Variants in MACROD2 observed in about 807,000 individuals in gnomAD.
MACROD2 encodes the protein mono-ADP ribosylhydrolase 2, also known as ADP-ribose glycohydrolase MACROD2.
Under a neutral mutation model 70.4 loss-of-function variants are expected in MACROD2, and 36 were observed. That is an observed-to-expected ratio of 0.51 (90% CI 0.39 to 0.68). The LOEUF is 0.68. Among genes scored for constraint, MACROD2 ranks in the 30% least tolerant of loss-of-function variants. The probability of loss-of-function intolerance (pLI) is 0.00; values close to 1 mark genes in which losing one functional copy is unlikely to be tolerated. For missense variants in MACROD2, 496 were observed against 538.4 expected (o/e 0.92, Z 0.78); for synonymous variants, 172 against 178.8 (o/e 0.96, Z 0.30).
At chr20:15,467,304 A>T (rs1168558678) in intron 7 of MACROD2, among the ~76,000 whole-genome samples, 1 of 152,230 alleles carries the variant, frequency 6.6e-6, no homozygotes, top group Non-Finnish European at 1.5e-5. Flanking sequence ...CTGTAGCCCT[A>T]GCTGTCCACA....
chr20:15,360,773 A>G (rs2078342751), intron 6 of MACROD2, among the ~76,000 whole-genome samples: 1 of 151,848 alleles, frequency 6.6e-6, no homozygotes, highest in Non-Finnish European at 1.5e-5. Flanking sequence ...TCTCTCCTCA[A>G]TAGTCTTAAT....
At chr20:15,773,616 ATGGAACCG>A (rs2051673169) in intron 8 of MACROD2, among the ~76,000 whole-genome samples, 1 of 152,170 alleles carries the variant, frequency 6.6e-6, no homozygotes, top group Non-Finnish European at 1.5e-5. Flanking sequence ...TTGACACTTA[ATGGAACCG>A]TGCAGCATTT....
At chr20:15,959,432 G>A (rs748171746) in intron 12 of MACROD2, among the ~76,000 whole-genome samples, 4 of 152,122 alleles carry the variant, frequency 2.6e-5, no homozygotes, top group Admixed American at 6.6e-5. Flanking sequence ...TATAAGTTTC[G>A]TGAGTACTGT....
intron 5 of MACROD2, among the ~76,000 whole-genome samples, chr20:15,081,253 T>C (rs958818174): frequency 6.6e-6 from 1 of 152,202 alleles, no homozygotes; most frequent in Non-Finnish European, 1.5e-5. Flanking sequence ...AACACAGCCA[T>C]GCTCATTTGT....
rs567240693 is a variant in MACROD2, at chr20:15,503,439, C to G, written c.645+3592C>G. On this transcript the variant is annotated intron_variant, in intron 8 of 17. Coordinates refer to ENST00000684519, the MANE Select transcript of MACROD2 (RefSeq NM_001351661.2). Reference sequence around the variant, plus strand: ...CATAACTTTAACTTGGGTTCGGCCTCAGTTTGAGATTGCTTGCAAGAAAAA... The same window carrying G: ...CATAACTTTAACTTGGGTTCGGCCTGAGTTTGAGATTGCTTGCAAGAAAAA... 2.6e-5 allele frequency among the ~76,000 whole-genome samples: 4 copies of G among 152,260 alleles called. No individual in the cohort carries two copies. The East Asian group carries it at 7.7e-4, about 29-fold the overall frequency.
chr20:14,618,191 A>T (rs1382966561), intron 4 of MACROD2, among the ~76,000 whole-genome samples: 1 of 152,098 alleles, frequency 6.6e-6, no homozygotes, highest in Non-Finnish European at 1.5e-5. Context: ...CATTTACTGA[A>T]TGGATGAATT....
chr20:14,297,580 G>T (rs1176307076), intron 3 of MACROD2, among the ~76,000 whole-genome samples: 1 of 151,958 alleles, frequency 6.6e-6, no homozygotes, highest in Non-Finnish European at 1.5e-5. Context: ...CAACTCTTCA[G>T]TTCTAGAAAG....
chr20:15,266,226 G>A (rs2077293306), intron 6 of MACROD2, among the ~76,000 whole-genome samples: 1 of 152,182 alleles, frequency 6.6e-6, no homozygotes, highest in Non-Finnish European at 1.5e-5. Flanking sequence ...ACATGTTCAT[G>A]TGAAAAGTTT....
chr20:14,954,810 A>G (rs1217599034), intron 5 of MACROD2, among the ~76,000 whole-genome samples: 1 of 27,174 alleles, frequency 3.7e-5, no homozygotes, highest in Non-Finnish European at 8.8e-5. Flanking sequence ...AATAAATTTT[A>G]TATAATATAA....
intron 3 of MACROD2, among the ~76,000 whole-genome samples, chr20:14,196,985 G>A (rs2081437945): frequency 6.6e-6 from 1 of 152,158 alleles, no homozygotes; most frequent in Admixed American, 6.5e-5. Context: ...CTGCAGCCAG[G>A]CAAAATAGTA....
intron 8 of MACROD2, among the ~76,000 whole-genome samples, chr20:15,683,165 A>G (rs1043731566): frequency 1.3e-5 from 2 of 152,228 alleles, no homozygotes; most frequent in African/African-American, 4.8e-5. Context: ...GAACACTTTC[A>G]TTTATGAGCT....
intron 8 of MACROD2, among the ~76,000 whole-genome samples, chr20:15,759,846 TAC>T (rs1301733481): frequency 6.6e-6 from 1 of 152,238 alleles, no homozygotes; most frequent in Non-Finnish European, 1.5e-5. Context: ...AGTGAATGCC[TAC>T]AGGAGTTTTC....
At chr20:14,722,748 CAA>C (rs1255399600) in intron 5 of MACROD2, among the ~76,000 whole-genome samples, 2 of 151,984 alleles carry the variant, frequency 1.3e-5, no homozygotes, top group Non-Finnish European at 2.9e-5. Flanking sequence ...TGTAATGAAA[CAA>C]AGCTAATAAA....
chr20:14,014,051 T>TTAAGTCTGTA (rs1216101746), intron 2 of MACROD2, among the ~76,000 whole-genome samples: 1 of 152,206 alleles, frequency 6.6e-6, no homozygotes, highest in Non-Finnish European at 1.5e-5. Context: ...TTTATATTTC[T>TTAAGTCTGTA]TAAGTCTGTA....
intron 5 of MACROD2, among the ~76,000 whole-genome samples, chr20:14,953,801 G>A (rs2095108138): frequency 6.6e-6 from 1 of 152,056 alleles, no homozygotes; most frequent in African/African-American, 2.4e-5. Flanking sequence ...GCAAATTAGG[G>A]TCTTAAAAAT....
At chr20:14,785,785 C>T (rs888184604) in intron 5 of MACROD2, among the ~76,000 whole-genome samples, 3 of 152,052 alleles carry the variant, frequency 2.0e-5, no homozygotes, top group East Asian at 1.9e-4. Flanking sequence ...GACCTAGACT[C>T]CTTTTATCAT....
intron 8 of MACROD2, among the ~76,000 whole-genome samples, chr20:15,552,003 A>C (rs1195778959): frequency 6.6e-6 from 1 of 151,912 alleles, no homozygotes; most frequent in Non-Finnish European, 1.5e-5. Context: ...ATATGCATAC[A>C]TTTTTTTCTT....
intron 5 of MACROD2, among the ~76,000 whole-genome samples, chr20:14,755,777 G>A (rs543311953): frequency 6.6e-6 from 1 of 152,054 alleles, no homozygotes; most frequent in South Asian, 2.1e-4. Context: ...AATCTAGGAG[G>A]CCTGTGGATG....
At chr20:14,698,183 C>A (rs141778491) in intron 5 of MACROD2, among the ~76,000 whole-genome samples, 103 of 152,270 alleles carry the variant, frequency 6.8e-4, no homozygotes, top group African/African-American at 2.3e-3. Context: ...GGGGCCCTTC[C>A]TTACAATGAA....
Sources: gnomAD v4.1 joint callset for allele counts (sites outside exome capture counted in the v4.1 genomes callset) on GRCh38, gnomAD v4.1.1 for gene constraint, MANE v1.5 for transcripts, NCBI Gene and HGNC (gene_info 2026-07-23, HGNC 2026-07-21) for gene names.